UBE3C: variants seen among roughly 807,000 people sequenced by gnomAD.
UBE3C encodes ubiquitin protein ligase E3C.
In UBE3C, 42 loss-of-function variants were observed where a neutral mutation model predicts 129.4. The ratio of observed to expected loss-of-function variants is 0.32; its 90% CI spans 0.25 to 0.42. UBE3C has a LOEUF of 0.42. Among genes scored for constraint, UBE3C ranks in the 10% least tolerant of loss-of-function variants. UBE3C has a pLI of 1.00. For synonymous variants in UBE3C, 510 were observed against 492.4 expected, an observed-to-expected ratio of 1.04 and a Z score of -0.47; for missense variants, 1,049 against 1,319.1, an observed-to-expected ratio of 0.80 and a Z score of 3.17.
chr7:157,224,717 A>C (rs1198142306), intron 16 of UBE3C, among the ~76,000 whole-genome samples: 2 of 152,048 alleles, frequency 1.3e-5, no homozygotes, highest in African/African-American at 2.4e-5. Context: ...CATGGTGAAC[A>C]AAAGAGTTTC....
Position 157,254,303 on chromosome 7 carries a change from C to T in UBE3C, c.2943C>T (p.Asn981=), listed in dbSNP as rs997353589. The change falls in exon 21 of 23, where the codon AAC becomes AAT. Residue 981 remains asparagine, a synonymous_variant. Transcript: ENST00000348165. ...TAGAGGACCTAAAATCCTTTACAAA[C>T]TATTCAGGTATGTTATCACTGCTAG... The part of the protein sequence containing the change: ...ISLEDLKSFT[N]YSGGYSADHP... 3 of 1,611,016 alleles carry T rather than the reference C, an allele frequency of 1.9e-6. No homozygotes were observed. In the Admixed American group the frequency reaches 5.0e-5, roughly 27 times the overall value.
At chr7:157,234,439 C>T (rs1796101871) in intron 18 of UBE3C, among the ~76,000 whole-genome samples, 1 of 152,150 alleles carries the variant, frequency 6.6e-6, no homozygotes, top group East Asian at 1.9e-4. Flanking sequence ...TGCCCTTATG[C>T]AGTATGGTCT....
intron 17 of UBE3C, among the ~76,000 whole-genome samples, chr7:157,226,746 C>A (rs1052473721): frequency 6.7e-6 from 1 of 150,194 alleles, no homozygotes; most frequent in African/African-American, 2.5e-5. Flanking sequence ...CACAATTTAC[C>A]GTTGCCATTG....
chr7:157,191,156 G>C (rs1808952085), intron 10 of UBE3C, among the ~76,000 whole-genome samples: 1 of 152,210 alleles, frequency 6.6e-6, no homozygotes, highest in South Asian at 2.1e-4. Context: ...GTAGTACAGT[G>C]AAGCAGCTTA....
chr7:157,216,765 C>A, intron 13 of UBE3C, 102 bp from the exon 14 acceptor site: 2 of 896,290 alleles, frequency 2.2e-6, no homozygotes, highest in South Asian at 3.1e-5. Context: ...ACCTGGGTTC[C>A]TGCACCACCG....
chr7:157,258,449 TTTTG>T (rs1450239394), intron 22 of UBE3C, among the ~76,000 whole-genome samples: 3 of 151,894 alleles, frequency 2.0e-5, no homozygotes, highest in Non-Finnish European at 4.4e-5. Context: ...GTTGTTGCTG[TTTTG>T]TTTGTTTCTT....
rs200651408 is a variant in UBE3C, at chr7:157,180,333, CTG to C, written c.617-1181_617-1180del. ...GTTAGTCACTTTTTTAAAAAAGTCT[CTG>C]TGTATTTTTTAAAATTCTTGATGTA... On this transcript the variant is annotated intron_variant, in intron 6 of 22. Coordinates refer to ENST00000348165, the MANE Select transcript of UBE3C (RefSeq NM_014671.3). 1.2e-3 allele frequency among the ~76,000 whole-genome samples: 181 copies of C among 152,276 alleles called. 1 individual carries two copies. In the East Asian group the frequency reaches 0.023, roughly 19 times the overall value.
chr7:157,198,005 C>T, intron 10 of UBE3C: 1 of 1,606,234 alleles, frequency 6.2e-7, no homozygotes, highest in Non-Finnish European at 8.5e-7. Flanking sequence ...GATGGTCCTC[C>T]ATATCCCAAT....
chr7:157,170,117 GT>G (rs146750630), intron 3 of UBE3C, among the ~76,000 whole-genome samples, 186 bp from the exon 4 acceptor site: 14,794 of 134,772 alleles, frequency 0.11, 728 homozygotes, highest in African/African-American at 0.14. Flanking sequence ...ACCATGCCTG[GT>G]TTTTTTTTTT....
intron 5 of UBE3C, 102 bp downstream of exon 5, chr7:157,175,136 ACTTT>A: frequency 2.7e-6 from 1 of 372,756 alleles, no homozygotes; most frequent in East Asian, 7.0e-5. Flanking sequence ...GCTTTTCCAT[ACTTT>A]TTTTTTTTTT....
At chr7:157,183,706 C>A (rs139318207) in intron 8 of UBE3C, among the ~76,000 whole-genome samples, 172 bp from the exon 9 acceptor site, 404 of 152,296 alleles carry the variant, frequency 2.7e-3, no homozygotes, top group Non-Finnish European at 4.9e-3. Flanking sequence ...TGCTTTCTGA[C>A]ATGAACGGGG....
chr7:157,151,744 G>T lies in UBE3C; in HGVS notation c.67-12066G>T, dbSNP rs960514229. On this transcript the variant is annotated intron_variant, in intron 1 of 22. Coordinates refer to ENST00000348165, the MANE Select transcript of UBE3C (RefSeq NM_014671.3). Reference sequence around the variant, plus strand: ...ATCCATTTGCCCTTGGAGAGAAGAGGGGGCTATGCAATTGGACCAAGAGGA... The same window carrying T: ...ATCCATTTGCCCTTGGAGAGAAGAGTGGGCTATGCAATTGGACCAAGAGGA... Among the ~76,000 whole-genome samples the T allele has an allele frequency of 2.0e-5, 3 of 152,146 alleles. No homozygotes were observed. The South Asian group carries it at 6.2e-4, about 32-fold the overall frequency.
chr7:157,177,948 A>G (rs1350450803), intron 5 of UBE3C, among the ~76,000 whole-genome samples: 1 of 136,644 alleles, frequency 7.3e-6, no homozygotes, highest in Non-Finnish European at 1.5e-5. Flanking sequence ...TTTTTTTAAG[A>G]AAAAGGAAAA....
At chr7:157,153,333 G>A (rs1199719594) in intron 1 of UBE3C, among the ~76,000 whole-genome samples, 1 of 151,986 alleles carries the variant, frequency 6.6e-6, no homozygotes, top group Non-Finnish European at 1.5e-5. Flanking sequence ...TGCAAAAGAC[G>A]AAATTTTAGA....
rs150771901 is a variant in UBE3C at position 157,202,704 on chromosome 7, G to A, written c.1418+897G>A. Among the ~76,000 whole-genome samples the A allele has an allele frequency of 3.0e-3, 454 of 152,230 alleles. 2 individuals are homozygous for A. The highest frequency in any genetic ancestry group is 0.01 in the African/African-American group (425 of 41,534). ...ATGCCAATCCCCCTGTGCTGTAATCGGAAAAGATGAAGTGTGTAATTCAGT... is the reference window on the plus strand; with the variant it reads ...ATGCCAATCCCCCTGTGCTGTAATCAGAAAAGATGAAGTGTGTAATTCAGT... On this transcript the variant is annotated intron_variant, in intron 11 of 22. Transcript: ENST00000348165.
chr7:157,177,376 G>A (rs775087045), intron 5 of UBE3C, among the ~76,000 whole-genome samples: 2 of 152,084 alleles, frequency 1.3e-5, no homozygotes, highest in African/African-American at 4.8e-5. Flanking sequence ...TCCTTTTCCC[G>A]TCCAAGGCTG....
chr7:157,154,132 C>G (rs1807838811), intron 1 of UBE3C, among the ~76,000 whole-genome samples: 1 of 152,058 alleles, frequency 6.6e-6, no homozygotes, highest in Admixed American at 6.6e-5. Flanking sequence ...ACCAGTCTGG[C>G]CAAGATGGTG....
At chr7:157,219,599 T>C (rs1795680782) in intron 14 of UBE3C, among the ~76,000 whole-genome samples, 1 of 152,172 alleles carries the variant, frequency 6.6e-6, no homozygotes, top group African/African-American at 2.4e-5. Flanking sequence ...TGAAAGTTTC[T>C]TCATTAAAAA....
intron 1 of UBE3C, among the ~76,000 whole-genome samples, chr7:157,141,543 G>C (rs1357493722): frequency 6.6e-6 from 1 of 152,176 alleles, no homozygotes; most frequent in Admixed American, 6.5e-5. Flanking sequence ...GCTGAATACT[G>C]TAGGCAGCTC....
Sources: gnomAD v4.1 joint callset for allele counts (sites outside exome capture counted in the v4.1 genomes callset) on GRCh38, gnomAD v4.1.1 for gene constraint, MANE v1.5 for transcripts, NCBI Gene and HGNC (gene_info 2026-07-23, HGNC 2026-07-21) for gene names.